The following PCDHA5 variants were observed in gnomAD, a reference collection of about 807,000 sequenced individuals.
PCDHA5 encodes the protein protocadherin alpha 5, also known as protocadherin alpha-5.
A neutral mutation model predicts 61.6 loss-of-function variants in PCDHA5; 43 were observed. The observed-to-expected ratio is 0.70, with a 90% CI of 0.55 to 0.90. PCDHA5 has a LOEUF of 0.90. Among genes scored for constraint, PCDHA5 ranks in the 40% least tolerant of loss-of-function variants. The probability of loss-of-function intolerance (pLI) is 0.00; values close to 1 mark genes in which losing one functional copy is unlikely to be tolerated. For synonymous variants in PCDHA5, 627 were observed against 543.9 expected, an observed-to-expected ratio of 1.15 and a Z score of -2.13; for missense variants, 1,298 against 1,222.7, an observed-to-expected ratio of 1.06 and a Z score of -0.92.
intron 1 of PCDHA5, chr5:140,869,694 G>A (rs782372405): frequency 6.2e-7 from 1 of 1,613,394 alleles, no homozygotes; most frequent in Non-Finnish European, 8.5e-7. Flanking sequence ...TTATTTTAAA[G>A]AAGTCTCTGG....
At position 140,858,582 on chromosome 5, in the gene PCDHA5, A is replaced by G; in HGVS notation, c.2352+34455A>G. ...ATTTCTAGTGATACCTTTGTAATAT[A>G]ATTTATTCCAGGAGTTTTAAAATTT... On this transcript the variant is annotated intron_variant, in intron 1 of 3. Transcript: ENST00000529859. The G allele has an allele frequency of 1.5e-6, 2 of 1,346,266 alleles. 1 individual carries two copies. Among genetic ancestry groups the G allele is most frequent in the Non-Finnish European group, 2.0e-6 (2 of 983,500 alleles). The allele number at this position is 1,346,266 out of a possible 1,614,324, so 83.4% of individuals were successfully genotyped here. A position where few individuals can be genotyped will look rare whatever the true frequency, so the allele number is the denominator to read the frequency against.
intron 1 of PCDHA5, chr5:140,855,886 A>C: frequency 1.0e-6 from 1 of 980,916 alleles, no homozygotes; most frequent in Non-Finnish European, 1.5e-6. Context: ...GCTTTTTAGA[A>C]CAAAGGCATC....
chr5:140,884,515 G>GCCTCTGATAAGCACAA, intron 1 of PCDHA5: 1 of 1,614,174 alleles, frequency 6.2e-7, no homozygotes. Flanking sequence ...GGAGTTGGTC[G>GCCTCTGATAAGCACAA]TACTCGCAGC....
At chr5:140,952,125 AG>A (rs1234128402) in intron 1 of PCDHA5, among the ~76,000 whole-genome samples, 1 of 152,092 alleles carries the variant, frequency 6.6e-6, no homozygotes, top group Non-Finnish European at 1.5e-5. Context: ...TGGGCTCCCA[AG>A]GCCTTGGGAA....
intron 2 of PCDHA5, among the ~76,000 whole-genome samples, chr5:140,981,776 A>T (rs908868836): frequency 2.4e-4 from 36 of 151,980 alleles, no homozygotes; most frequent in African/African-American, 8.0e-4. Context: ...TGAATACTGC[A>T]CCATGTTCTC....
intron 1 of PCDHA5, among the ~76,000 whole-genome samples, chr5:140,964,396 G>A (rs2095829712): frequency 6.6e-6 from 1 of 152,188 alleles, no homozygotes; most frequent in South Asian, 2.1e-4. Flanking sequence ...TTTCTCCCAA[G>A]ACATGACATT....
intron 1 of PCDHA5, chr5:140,877,641 C>A: frequency 6.2e-7 from 1 of 1,613,592 alleles, no homozygotes; most frequent in Non-Finnish European, 8.5e-7. Flanking sequence ...CGCTGCGTTG[C>A]TCAGCGCCGC....
At chr5:140,939,766 C>T (rs58911992) in intron 1 of PCDHA5, among the ~76,000 whole-genome samples, 27,055 of 152,058 alleles carry the variant, frequency 0.18, 2,673 homozygotes, top group African/African-American at 0.26. Context: ...TATAGTATTT[C>T]AGGGTGTGAA....
intron 3 of PCDHA5, among the ~76,000 whole-genome samples, chr5:141,003,441 AGAT>A (rs2098125025): frequency 6.6e-6 from 1 of 152,122 alleles, no homozygotes; most frequent in Non-Finnish European, 1.5e-5. Context: ...CCTCCCAAGT[AGAT>A]GAAATTACAG....
At chr5:140,972,306 GT>G (rs2096530781) in intron 1 of PCDHA5, among the ~76,000 whole-genome samples, 1 of 150,488 alleles carries the variant, frequency 6.6e-6, no homozygotes, top group South Asian at 2.1e-4. Flanking sequence ...TGTCTGACTA[GT>G]TTTTAGGTGT....
At chr5:140,966,798 C>T in intron 1 of PCDHA5, 1 of 1,537,636 alleles carries the variant, frequency 6.5e-7, no homozygotes, top group Non-Finnish European at 8.7e-7. Context: ...CCTGCGGCGA[C>T]AGAGCATCCA....
chr5:140,850,754 G>A lies in PCDHA5; in HGVS notation c.2352+26627G>A, dbSNP rs2150497154. 7 of 1,598,000 alleles carry A rather than the reference G, an allele frequency of 4.4e-6. 1 individual carries two copies. In the African/African-American group the frequency reaches 6.7e-5, roughly 15 times the overall value. On this transcript the variant is annotated intron_variant, in intron 1 of 3. Transcript: ENST00000529859. ...TGGGGAGTTGGTCGTACTCGCAGCA[G>A]AGGAGGCAGAGGGTGTGCTCTGGCG...
In PCDHA5 at chr5:140,966,446, C is replaced by T. The variant is rs2096003680; in HGVS notation, c.2353-12503C>T. Reference sequence around the variant, plus strand: ...CTGAGCCCTCCTACCGCTCCCTTTCCCCCTCCCCCTCTGTCTTCCCTTCTG... The same window carrying T: ...CTGAGCCCTCCTACCGCTCCCTTTCTCCCTCCCCCTCTGTCTTCCCTTCTG... On this transcript the variant is annotated intron_variant, in intron 1 of 3. Transcript: ENST00000529859. 7 of 424,490 alleles carry T rather than the reference C, an allele frequency of 1.6e-5. No homozygotes were observed. The East Asian group carries it at 2.5e-4, about 15-fold the overall frequency. 26.3% of individuals were successfully genotyped at this position (424,490 alleles called of 1,614,324 possible).
Position 140,856,227 on chromosome 5 carries a change from A to C in PCDHA5, c.2352+32100A>C, listed in dbSNP as rs149352769. 4,605 of 1,597,986 alleles carry C rather than the reference A, an allele frequency of 2.9e-3. 355 individuals carry two copies. The highest frequency in any genetic ancestry group is 0.01 in the Middle Eastern group (60 of 5,808). ...GGGCTGGAGCTGGCGGAGCTGGTGC[A>C]GCGCCTGTTCCGGGTGGCGTCCAAA... On this transcript the variant is annotated intron_variant, in intron 1 of 3. Transcript: ENST00000529859.
intron 1 of PCDHA5, chr5:140,841,535 C>CG: frequency 6.2e-7 from 1 of 1,613,664 alleles, no homozygotes; most frequent in Non-Finnish European, 8.5e-7. Context: ...CAAAAGACAC[C>CG]GGGACCTTCT....
chr5:140,835,646 T>C lies in PCDHA5; in HGVS notation c.2352+11519T>C, dbSNP rs148944886. The C allele has an allele frequency of 8.1e-4, 1,314 of 1,613,744 alleles. 16 individuals are homozygous for C. In the African/African-American group the frequency reaches 0.014, roughly 17 times the overall value. On this transcript the variant is annotated intron_variant, in intron 1 of 3. Transcript: ENST00000529859. ...TGGACCGCGAGAGTGTGTCCGCCTA[T>C]GAGCTGGTGGTTACCGCGCGGGACG...
At chr5:140,853,927 G>T in intron 1 of PCDHA5, 1 of 895,160 alleles carries the variant, frequency 1.1e-6, no homozygotes, top group Non-Finnish European at 1.4e-6. Context: ...CCAACATTTT[G>T]GGAGGCCAAG....
At chr5:140,828,544 G>A (rs144353163) in intron 1 of PCDHA5, 952 of 1,614,096 alleles carry the variant, frequency 5.9e-4, no homozygotes, top group Non-Finnish European at 7.8e-4. Flanking sequence ...CAGATTCTGT[G>A]TTTCCACTGG....
chr5:140,828,406 C>T lies in PCDHA5; in HGVS notation c.2352+4279C>T, dbSNP rs1426756496. On this transcript the variant is annotated intron_variant, in intron 1 of 3. Coordinates refer to ENST00000529859, the MANE Select transcript of PCDHA5 (RefSeq NM_018908.3). ...GGCGGAGCGCGGAGTGCAGCATCCA[C>T]CTGGAGGTGATCGTGGACAGGCCGC... The T allele has an allele frequency of 3.1e-6, 5 of 1,614,244 alleles. No individual in the cohort carries two copies. In the Admixed American group the frequency reaches 5.0e-5, roughly 16 times the overall value.
Sources: gnomAD v4.1 joint callset for allele counts (sites outside exome capture counted in the v4.1 genomes callset) on GRCh38, gnomAD v4.1.1 for gene constraint, MANE v1.5 for transcripts, NCBI Gene and HGNC (gene_info 2026-07-23, HGNC 2026-07-21) for gene names.